The following TRPM6 variants were observed in gnomAD, a reference collection of about 807,000 sequenced individuals.
TRPM6 encodes the protein transient receptor potential cation channel subfamily M member 6, also known as channel kinase 2.
In TRPM6, 111 loss-of-function variants were observed where a neutral mutation model predicts 247.6. The observed-to-expected ratio is 0.45, with a 90% CI of 0.38 to 0.52. TRPM6 has a LOEUF of 0.52. Ranked by LOEUF, TRPM6 falls within the 20% of genes least tolerant of loss-of-function variation. The pLI is 0.00. For synonymous variants in TRPM6, 892 were observed against 853.8 expected, an observed-to-expected ratio of 1.04 and a Z score of -0.78; for missense variants, 2,126 against 2,421.5, an observed-to-expected ratio of 0.88 and a Z score of 2.56.
At chr9:74,815,195 C>G (rs1469591022) in intron 11 of TRPM6, among the ~76,000 whole-genome samples, 1 of 151,320 alleles carries the variant, frequency 6.6e-6, no homozygotes, top group African/African-American at 2.4e-5. Flanking sequence ...ATGTGCCCAA[C>G]AAAATGGATA....
At chr9:74,848,785 G>A (rs1242243077) in intron 3 of TRPM6, among the ~76,000 whole-genome samples, 1 of 152,090 alleles carries the variant, frequency 6.6e-6, no homozygotes, top group Non-Finnish European at 1.5e-5. Context: ...TACGTAAGGT[G>A]CAGTATACAT....
intron 16 of TRPM6, among the ~76,000 whole-genome samples, chr9:74,800,745 G>C (rs1240682121): frequency 6.6e-6 from 1 of 151,750 alleles, no homozygotes; most frequent in African/African-American, 2.4e-5. Context: ...ACAGAACTAG[G>C]AGGTTTACAT....
chr9:74,876,365 G>A (rs921271314), intron 1 of TRPM6, among the ~76,000 whole-genome samples: 1 of 152,200 alleles, frequency 6.6e-6, no homozygotes, highest in African/African-American at 2.4e-5. Context: ...TTACAGGTGT[G>A]AGCCACCGCA....
Position 74,752,334 on chromosome 9 carries a change from A to C in TRPM6, c.4941T>G (p.Thr1647=), listed in dbSNP as rs749768244. 1 of 1,599,440 alleles carries C rather than the reference A, an allele frequency of 6.3e-7. No individual in the cohort carries two copies. The highest frequency in any genetic ancestry group is 8.5e-7 in the Non-Finnish European group (1 of 1,170,060). The change falls in exon 29 of 39, where the codon ACT becomes ACG. Residue 1647 remains threonine (T), a synonymous_variant. Coordinates refer to ENST00000360774, the MANE Select transcript of TRPM6 (RefSeq NM_017662.5). ...VEPYIHQKMK[T]KEIGQCAIQI... ...GTATAGCACATTGTCCAATTTCTTT[A>C]GTTTTCATTTTCTGATGTATGTAAG...
chr9:74,755,753 C>T (rs1432327891), intron 27 of TRPM6, among the ~76,000 whole-genome samples: 1 of 152,148 alleles, frequency 6.6e-6, no homozygotes, highest in Non-Finnish European at 1.5e-5. Flanking sequence ...CTGGTTTAAG[C>T]CACAGGTCAC....
At chr9:74,828,591 T>C (rs1330412116) in intron 6 of TRPM6, among the ~76,000 whole-genome samples, 1 of 152,098 alleles carries the variant, frequency 6.6e-6, no homozygotes, top group Non-Finnish European at 1.5e-5. Context: ...CATGGTCACA[T>C]TGCTGGCAGT....
intron 6 of TRPM6, 139 bp downstream of exon 6, chr9:74,833,859 G>C (rs1441231643): frequency 3.5e-6 from 4 of 1,139,084 alleles, no homozygotes; most frequent in Non-Finnish European, 5.1e-6. Flanking sequence ...CAGGGTGAGG[G>C]AAGCAGCAGA....
intron 3 of TRPM6, among the ~76,000 whole-genome samples, chr9:74,848,207 C>A (rs993837335): frequency 6.6e-6 from 1 of 152,154 alleles, no homozygotes; most frequent in African/African-American, 2.4e-5. Context: ...GAACTTTCAC[C>A]TTTTCACTTA....
At chr9:74,819,404 G>A (rs1275032605) in intron 9 of TRPM6, among the ~76,000 whole-genome samples, 1 of 152,036 alleles carries the variant, frequency 6.6e-6, no homozygotes, top group Non-Finnish European at 1.5e-5. Context: ...AGCACTTTAG[G>A]AGACCAAGGC....
At chr9:74,774,317 AC>A in intron 24 of TRPM6, among the ~76,000 whole-genome samples, 1 of 152,152 alleles carries the variant, frequency 6.6e-6, no homozygotes, top group Non-Finnish European at 1.5e-5. Context: ...CAAGTGATTC[AC>A]ATTCTGCTAT....
intron 11 of TRPM6, among the ~76,000 whole-genome samples, chr9:74,815,904 A>G (rs574344242): frequency 1.3e-4 from 20 of 152,328 alleles, no homozygotes; most frequent in African/African-American, 4.8e-4. Flanking sequence ...AATCTTTTAA[A>G]ATGAATGTTA....
chr9:74,887,005 A>G (rs1057482791), intron 1 of TRPM6, among the ~76,000 whole-genome samples: 1 of 152,246 alleles, frequency 6.6e-6, no homozygotes, highest in Non-Finnish European at 1.5e-5. Context: ...GAGAAAGTCC[A>G]GACAAAATAG....
chr9:74,761,881 G>A (rs986298419), intron 26 of TRPM6, 73 bp from the exon 27 acceptor site: 1 of 1,504,278 alleles, frequency 6.6e-7, no homozygotes, highest in Admixed American at 1.7e-5. Context: ...AGAAAAAGCT[G>A]AGAGAATGGG....
chr9:74,790,006 A>ATGTGTGTGTGTGTGTGTG (rs71912381), intron 19 of TRPM6, among the ~76,000 whole-genome samples: 9 of 132,828 alleles, frequency 6.8e-5, no homozygotes, highest in African/African-American at 2.5e-4. Flanking sequence ...TGAGAGAAAA[A>ATGTGTGTGTGTGTGTGTG]TGTGTGTGTG....
intron 3 of TRPM6, among the ~76,000 whole-genome samples, chr9:74,853,916 C>T (rs1830445629): frequency 6.6e-6 from 1 of 151,600 alleles, no homozygotes; most frequent in Non-Finnish European, 1.5e-5. Flanking sequence ...AAAGTAAAAA[C>T]AATTTTTAAA....
At chr9:74,738,108 T>G (rs551211862) in intron 36 of TRPM6, among the ~76,000 whole-genome samples, 1 of 152,356 alleles carries the variant, frequency 6.6e-6, no homozygotes, top group South Asian at 2.1e-4. Flanking sequence ...AACATAAGGC[T>G]AAGTGAAGTC....
intron 1 of TRPM6, among the ~76,000 whole-genome samples, chr9:74,859,718 G>T (rs1333636685): frequency 6.6e-6 from 1 of 151,246 alleles, no homozygotes; most frequent in Non-Finnish European, 1.5e-5. Flanking sequence ...AGATTGCAGT[G>T]AGCCGAGATT....
chr9:74,814,913 A>T (rs530306198), intron 11 of TRPM6, among the ~76,000 whole-genome samples: 24 of 152,296 alleles, frequency 1.6e-4, no homozygotes, highest in Non-Finnish European at 2.5e-4. Flanking sequence ...ATGCAACTGC[A>T]CTCCAGTATA....
In TRPM6 at chr9:74,806,729, C is replaced by T. The variant is rs117814843; in HGVS notation, c.1638+1305G>A. ...AGAAAACATGCACAGAGAAGTTAAG[C>T]TTATTGTTCAAGATTACACAGCTAC... On this transcript the variant is annotated intron_variant, in intron 14 of 38. Coordinates refer to ENST00000360774, the MANE Select transcript of TRPM6 (RefSeq NM_017662.5). Among the ~76,000 whole-genome samples the T allele has an allele frequency of 6.7e-3, 1,014 of 152,232 alleles. 2 individuals are homozygous for T. Among genetic ancestry groups the T allele is most frequent in the South Asian group, 0.015 (71 of 4,828 alleles).
Sources: allele counts gnomAD v4.1 joint callset (sites outside exome capture counted in the v4.1 genomes callset), GRCh38; gene constraint gnomAD v4.1.1; transcripts MANE v1.5; gene names NCBI Gene and HGNC (gene_info 2026-07-23, HGNC 2026-07-21).